The following ANXA4 variants were observed in gnomAD, a reference collection of about 807,000 sequenced individuals.
ANXA4 encodes 35-beta calcimedin.
A neutral mutation model predicts 49.8 loss-of-function variants in ANXA4; 39 were observed. The ratio of observed to expected loss-of-function variants is 0.78; its 90% CI spans 0.61 to 1.02. The LOEUF (loss-of-function observed/expected upper bound fraction) is 1.02, where lower values mean the gene tolerates loss of function less well. ANXA4 is among the 50% of genes least tolerant of loss of function. The probability of loss-of-function intolerance (pLI) is 0.00; values close to 1 mark genes in which losing one functional copy is unlikely to be tolerated. For missense variants in ANXA4, 360 were observed against 410.1 expected (o/e 0.88, Z 1.05); for synonymous variants, 134 against 152.5 (o/e 0.88, Z 0.89).
intron 2 of ANXA4, among the ~76,000 whole-genome samples, chr2:69,699,954 C>T (rs1293013301): frequency 6.6e-6 from 1 of 152,162 alleles, no homozygotes; most frequent in African/African-American, 2.4e-5. Context: ...CCAAAGACGT[C>T]CCAATGCAGT....
chr2:69,822,613 T>G (rs2103901938), intron 12 of ANXA4, among the ~76,000 whole-genome samples: 1 of 152,312 alleles, frequency 6.6e-6, no homozygotes, highest in Admixed American at 6.5e-5. Context: ...ATGACATTTT[T>G]GATACGTGAA....
At chr2:69,648,060 C>T (rs779510832) in intron 1 of ANXA4, among the ~76,000 whole-genome samples, 12 of 152,156 alleles carry the variant, frequency 7.9e-5, no homozygotes, top group South Asian at 6.2e-4. Context: ...TTACCATAAA[C>T]CCAGTGTGCT....
chr2:69,747,260 A>G (rs1430693272), intron 1 of ANXA4, among the ~76,000 whole-genome samples: 1 of 152,186 alleles, frequency 6.6e-6, no homozygotes, highest in Non-Finnish European at 1.5e-5. Flanking sequence ...AGAATCTAAT[A>G]TAAAGGGGCC....
intron 2 of ANXA4, among the ~76,000 whole-genome samples, chr2:69,684,762 A>G (rs1359740790): frequency 6.6e-6 from 1 of 151,994 alleles, no homozygotes; most frequent in African/African-American, 2.4e-5. Flanking sequence ...AATGGGGGAC[A>G]TAGAGAAAAC....
At chr2:69,724,423 T>C (rs550547842) in intron 3 of ANXA4, among the ~76,000 whole-genome samples, 1 of 152,200 alleles carries the variant, frequency 6.6e-6, no homozygotes, top group Non-Finnish European at 1.5e-5. Flanking sequence ...CATCCCCCCA[T>C]ATAAAAGAAG....
chr2:69,735,093 T>C (rs1670209014), intron 3 of ANXA4, among the ~76,000 whole-genome samples: 1 of 152,220 alleles, frequency 6.6e-6, no homozygotes, highest in Non-Finnish European at 1.5e-5. Flanking sequence ...ATCTTGCTTC[T>C]AACCTCACAA....
At chr2:69,751,892 A>G (rs899419212) in intron 1 of ANXA4, among the ~76,000 whole-genome samples, 1 of 152,220 alleles carries the variant, frequency 6.6e-6, no homozygotes, top group African/African-American at 2.4e-5. Flanking sequence ...TATATATGTA[A>G]GTGGCGGGCA....
chr2:69,724,639 C>T (rs990997664), intron 3 of ANXA4, among the ~76,000 whole-genome samples: 1 of 151,226 alleles, frequency 6.6e-6, no homozygotes, highest in Non-Finnish European at 1.5e-5. Context: ...AACCCACCAC[C>T]GGCAGTCCAC....
intron 1 of ANXA4, among the ~76,000 whole-genome samples, chr2:69,774,865 G>A (rs902605704): frequency 2.6e-5 from 4 of 152,104 alleles, no homozygotes; most frequent in Non-Finnish European, 5.9e-5. Context: ...CCACCAGGCT[G>A]GATGTTCTCT....
upstream of ANXA4, among the ~76,000 whole-genome samples, chr2:69,737,060 C>G (rs1173372995): frequency 9.6e-6 from 1 of 104,132 alleles, no homozygotes; most frequent in Non-Finnish European, 2.1e-5. Context: ...ACCTTGGCCT[C>G]TCAGAGTGCT....
At chr2:69,691,034 T>G (rs1255866058) in intron 2 of ANXA4, among the ~76,000 whole-genome samples, 1 of 152,204 alleles carries the variant, frequency 6.6e-6, no homozygotes, top group Non-Finnish European at 1.5e-5. Context: ...CCTTTTAATA[T>G]TCCTTATGTG....
intron 3 of ANXA4, among the ~76,000 whole-genome samples, chr2:69,726,899 T>C (rs752314344): frequency 6.6e-6 from 1 of 152,190 alleles, no homozygotes; most frequent in East Asian, 1.9e-4. Context: ...CAAATATATA[T>C]ATATACAGGG....
At chr2:69,697,426 C>A (rs190247398) in intron 2 of ANXA4, among the ~76,000 whole-genome samples, 4 of 152,324 alleles carry the variant, frequency 2.6e-5, no homozygotes. Context: ...GATCTTCTAT[C>A]CAGCTCACTG....
At chr2:69,678,857 GTC>G (rs1323338565) in intron 2 of ANXA4, among the ~76,000 whole-genome samples, 3 of 152,066 alleles carry the variant, frequency 2.0e-5, no homozygotes, top group Admixed American at 1.3e-4. Flanking sequence ...TGAAAAAGTT[GTC>G]TGTTGTTTTA....
chr2:69,720,920 T>C (rs1484744725), intron 3 of ANXA4: 1 of 152,280 alleles, frequency 6.6e-6, no homozygotes, highest in Non-Finnish European at 1.5e-5. Context: ...CTCCATCTTC[T>C]GTGGGCAGCA....
At chr2:69,821,765 T>C (rs1053038983) in intron 12 of ANXA4, among the ~76,000 whole-genome samples, 1 of 152,318 alleles carries the variant, frequency 6.6e-6, no homozygotes, top group Admixed American at 6.5e-5. Flanking sequence ...CTGTGGATTT[T>C]GTTACTACGT....
intron 2 of ANXA4, among the ~76,000 whole-genome samples, chr2:69,656,247 ATATG>A (rs1676446591): frequency 1.6e-5 from 2 of 125,318 alleles, no homozygotes; most frequent in Non-Finnish European, 3.3e-5. Context: ...ATACGTATAT[ATATG>A]TATATACGTA....
chr2:69,757,075 T>C (rs1671066618), intron 1 of ANXA4, among the ~76,000 whole-genome samples: 1 of 149,734 alleles, frequency 6.7e-6, no homozygotes, highest in South Asian at 2.1e-4. Context: ...TACAGGCACG[T>C]GCCACCATGC....
intron 9 of ANXA4, chr2:69,816,396 TAGAAAA>T (rs1462418392): frequency 8.1e-6 from 4 of 493,192 alleles, no homozygotes; most frequent in Admixed American, 3.3e-5. Context: ...TATGAATAAT[TAGAAAA>T]AGTGCATGTA....
Sources: allele counts gnomAD v4.1 joint callset (sites outside exome capture counted in the v4.1 genomes callset), GRCh38; gene constraint gnomAD v4.1.1; transcripts MANE v1.5; gene names NCBI Gene and HGNC (gene_info 2026-07-23, HGNC 2026-07-21).